The following PRAME variants were observed in gnomAD, a reference collection of about 807,000 sequenced individuals.
PRAME encodes the protein melanoma antigen preferentially expressed in tumors.
A neutral mutation model predicts 32.1 loss-of-function variants in PRAME; 21 were observed. That is an observed-to-expected ratio of 0.65 (90% CI 0.46 to 0.94). PRAME has a LOEUF of 0.94. PRAME is among the 40% of genes least tolerant of loss of function. The pLI is 0.00. For synonymous variants in PRAME, 274 were observed against 251.5 expected, an observed-to-expected ratio of 1.09 and a Z score of -0.85; for missense variants, 651 against 622.3, an observed-to-expected ratio of 1.05 and a Z score of -0.49.
At chr22:22,548,748 T>A in intron 5 of PRAME, 105 bp from the exon 6 acceptor site, 1 of 1,053,026 alleles carries the variant, frequency 9.5e-7, no homozygotes, top group Non-Finnish European at 1.4e-6. Context: ...TGATGATGGT[T>A]AACCGCCAGG....
At chr22:22,555,878 C>T (rs1007971983) in intron 3 of PRAME, 2 of 470,892 alleles carry the variant, frequency 4.2e-6, no homozygotes, top group African/African-American at 2.0e-5. Flanking sequence ...TCAAAGCCTC[C>T]TGGAGCTCAT....
Position 22,550,050 on chromosome 22 carries a change from C to T in PRAME, c.629G>A (p.Cys210Tyr). The T allele has an allele frequency of 6.2e-7, 1 of 1,613,930 alleles. No homozygotes were observed. The highest frequency in any genetic ancestry group is 8.5e-7 in the Non-Finnish European group (1 of 1,179,960). Reference sequence around the variant, plus strand: ...CATTGCAAAAATCTTCAGCTTCTTACAGCACAGGCGTAGTACATTTTTCTT... The same window carrying T: ...CATTGCAAAAATCTTCAGCTTCTTATAGCACAGGCGTAGTACATTTTTCTT... Reference protein sequence around the residue: ...KRKKNVLRLCCKKLKIFAMPM... With the variant: ...KRKKNVLRLCYKKLKIFAMPM... Residue 210 changes from cysteine to tyrosine, a missense_variant, in exon 5 of 6, where the codon TGT (cysteine) becomes TAT (tyrosine). Cys to Tyr is a radical substitution (Grantham distance 194). Coordinates refer to ENST00000405655, the MANE Select transcript of PRAME (RefSeq NM_206956.3).
chr22:22,548,584 T>G lies in PRAME; in HGVS notation c.1013A>C (p.Asp338Ala), dbSNP rs774790656. The change falls in exon 6 of 6, where the codon GAT (aspartate) becomes GCT (alanine). Residue 338 changes from aspartate (D) to alanine (A), a missense_variant. Asp to Ala is a moderately radical substitution (Grantham distance 126). Transcript: ENST00000405655. ...GGGACTCTGGGACAGATGCATCACATCCCCTTCCGAAAGCCGGCAGTTAGT... is the reference window on the plus strand; with the variant it reads ...GGGACTCTGGGACAGATGCATCACAGCCCCTTCCGAAAGCCGGCAGTTAGT... ...SITNCRLSEG[D>A]VMHLSQSPSV... The G allele has an allele frequency of 7.4e-6, 12 of 1,611,940 alleles. No individual in the cohort carries two copies. In the Admixed American group the frequency reaches 2.0e-4, roughly 27 times the overall value.
intron 4 of PRAME, 78 bp downstream of exon 4, chr22:22,550,686 AGGC>A (rs1235129098): frequency 1.4e-6 from 2 of 1,435,052 alleles, no homozygotes; most frequent in African/African-American, 1.4e-5. Context: ...GCCCAGCCTT[AGGC>A]GCTCCATGCT....
In PRAME at chr22:22,550,208, CTT is replaced by C. The variant is rs1199393510; in HGVS notation, c.469_470del (p.Lys157GlufsTer32). ...PEPEAAQPMT[K>X]KRKVDGLSTE... ...TGCTCAAACCATCTACTTTTCGCTT[CTT>C]TGTCATGGGCTGAGCTGCTTCTGGC... On this transcript the variant is annotated frameshift_variant, in exon 5 of 6. Transcript: ENST00000405655. LOFTEE classifies it high-confidence loss of function. The C allele has an allele frequency of 6.2e-7, 1 of 1,613,790 alleles. No homozygotes were observed. Among genetic ancestry groups the C allele is most frequent in the Middle Eastern group, 1.7e-4 (1 of 6,054 alleles).
chr22:22,548,499 G>A lies in PRAME; in HGVS notation c.1098C>T (p.Pro366=), dbSNP rs775928243. 25 of 1,613,604 alleles carry A rather than the reference G, an allele frequency of 1.5e-5. No homozygotes were observed. Among genetic ancestry groups the A allele is most frequent in the South Asian group, 6.6e-5 (6 of 91,074 alleles). ...LSGVMLTDVS[P]EPLQALLERA... ...TCTCCAGCAGAGCTTGGAGGGGCTC[G>A]GGACTTACATCGGTCAGCATGACCC... The change falls in exon 6 of 6, where the codon CCC becomes CCT. Residue 366 remains proline (P), a synonymous_variant. Coordinates refer to ENST00000405655, the MANE Select transcript of PRAME (RefSeq NM_206956.3).
At chr22:22,556,751 C>T in intron 3 of PRAME, 61 bp downstream of exon 3, 1 of 1,601,750 alleles carries the variant, frequency 6.2e-7, no homozygotes, top group Non-Finnish European at 8.5e-7. Context: ...GCTCGAGTGA[C>T]AAGGACAGAG....
chr22:22,557,378 AT>A, intron 2 of PRAME, 166 bp downstream of exon 2: 1 of 159,436 alleles, frequency 6.3e-6, no homozygotes, highest in Non-Finnish European at 1.4e-5. Flanking sequence ...ACTGGGGCCA[AT>A]TTTCCGGGGC....
intron 3 of PRAME, among the ~76,000 whole-genome samples, 188 bp downstream of exon 3, chr22:22,556,623 CT>C (rs1356155243): frequency 6.6e-6 from 1 of 151,932 alleles, no homozygotes; most frequent in Non-Finnish European, 1.5e-5. Context: ...AGGGTTGACT[CT>C]CATACAAAGA....
chr22:22,553,150 CCAGTT>C (rs1020275443), intron 3 of PRAME, among the ~76,000 whole-genome samples: 6 of 152,014 alleles, frequency 3.9e-5, no homozygotes, highest in African/African-American at 1.4e-4. Flanking sequence ...CCCAAATAGT[CCAGTT>C]AAGATAGCTT....
chr22:22,551,183 C>CA, intron 3 of PRAME, 94 bp from the exon 4 acceptor site: 1 of 1,171,566 alleles, frequency 8.5e-7, no homozygotes, highest in Non-Finnish European at 1.2e-6. Context: ...AACTTAGGGC[C>CA]AAAGTCACTG....
chr22:22,548,094 G>A lies in PRAME; in HGVS notation c.1503C>T (p.Ile501=). Residue 501 remains isoleucine (I), a synonymous_variant, in exon 6 of 6, where the codon ATC becomes ATT. Coordinates refer to ENST00000405655, the MANE Select transcript of PRAME (RefSeq NM_206956.3). ...GDRTFYDPEP[I]LCPCFMPN ...AATTAGGCATGAAACAGGGGCACAG[G>A]ATGGGCTCCGGGTCATAGAAGGTTC... is the stretch of plus-strand genomic sequence containing the variant. 6.2e-7 allele frequency: 1 copy of A among 1,612,660 alleles called. No homozygotes were observed.
chr22:22,559,255 G>C lies in PRAME; in HGVS notation c.-398C>G. 1 of 316,186 alleles carries C rather than the reference G, an allele frequency of 3.2e-6. No individual in the cohort carries two copies. Among genetic ancestry groups the C allele is most frequent in the Non-Finnish European group, 6.2e-6 (1 of 160,860 alleles). 19.6% of individuals were successfully genotyped at this position (316,186 alleles called of 1,614,324 possible). On this transcript the variant is annotated 5_prime_UTR_variant, in exon 1 of 6. Transcript: ENST00000405655. ...CGCTGCAGGCCCGGCTTCTGGCTGC[G>C]GGGGAGCTGTACCCTGAAGCCTCGC... is the stretch of plus-strand genomic sequence containing the variant.
In PRAME at chr22:22,547,911, C is replaced by CAT. The variant is rs2062340069; in HGVS notation, c.*154_*155dup. On this transcript the variant is annotated 3_prime_UTR_variant, in exon 6 of 6. Transcript: ENST00000405655. ...ACTTCCCCTTTTTTTCCTCACTGAA[C>CAT]ATTTGTCTGAATGTTTTTTCCTCAC... 1.2e-6 allele frequency: 1 copy of CAT among 856,330 alleles called. No individual in the cohort carries two copies. Among genetic ancestry groups the CAT allele is most frequent in the Non-Finnish European group, 1.8e-6 (1 of 549,752 alleles). 53.0% of individuals were successfully genotyped at this position (856,330 alleles called of 1,614,324 possible).
rs1192369959 is a variant in PRAME, at chr22:22,556,744, C to T, written c.21+68G>A. On this transcript the variant is annotated intron_variant, in intron 3 of 5. Transcript: ENST00000405655. ...CTCAGGATGCAGCTCCCATCTGGCT[C>T]GAGTGACAAGGACAGAGGGGAACAG... 5 of 1,589,274 alleles carry T rather than the reference C, an allele frequency of 3.1e-6. No homozygotes were observed. In the African/African-American group the frequency reaches 4.0e-5, roughly 13 times the overall value.
In PRAME at chr22:22,548,157, G is replaced by T; in HGVS notation, c.1440C>A (p.Val480=). ...GAGGACAGGGGTTGGCACTAAGCCA[G>T]ACCATGCTGGGCCGCCCCAACTCAC... ...LLCELGRPSM[V]WLSANPCPHC... Residue 480 remains valine (V), a synonymous_variant, in exon 6 of 6, where the codon GTC becomes GTA. Transcript: ENST00000405655. 1 of 1,613,874 alleles carries T rather than the reference G, an allele frequency of 6.2e-7. No homozygotes were observed. The highest frequency in any genetic ancestry group is 1.1e-5 in the South Asian group (1 of 91,068).
At chr22:22,554,771 G>A (rs771949805) in intron 3 of PRAME, among the ~76,000 whole-genome samples, 6 of 151,922 alleles carry the variant, frequency 3.9e-5, no homozygotes, top group Non-Finnish European at 5.9e-5. Flanking sequence ...CAATCTAAGT[G>A]TTAGAAAGGG....
In PRAME at chr22:22,548,546, G is replaced by C; in HGVS notation, c.1051C>G (p.Leu351Val). ...ACCCCACTTAGACTCAGGACACTTAGCTGACTGACGCTGGGACTCTGGGAC... is the reference window on the plus strand; with the variant it reads ...ACCCCACTTAGACTCAGGACACTTACCTGACTGACGCTGGGACTCTGGGAC... ...HLSQSPSVSQ[L>V]SVLSLSGVML... The change falls in exon 6 of 6, where the codon CTA becomes GTA. Residue 351 changes from leucine (L) to valine (V), a missense_variant. Transcript: ENST00000405655. 6.2e-7 allele frequency: 1 copy of C among 1,613,556 alleles called. No individual in the cohort carries two copies. Among genetic ancestry groups the C allele is most frequent in the South Asian group, 1.1e-5 (1 of 91,068 alleles).
chr22:22,558,804 G>A (rs1347740056), intron 1 of PRAME, among the ~76,000 whole-genome samples, 167 bp downstream of exon 1: 2 of 151,594 alleles, frequency 1.3e-5, no homozygotes, highest in Non-Finnish European at 2.9e-5. Context: ...GTGGGATGCG[G>A]GGTGCAGGGG....
Sources: allele counts gnomAD v4.1 joint callset (sites outside exome capture counted in the v4.1 genomes callset), GRCh38; gene constraint gnomAD v4.1.1; transcripts MANE v1.5; gene names NCBI Gene and HGNC (gene_info 2026-07-23, HGNC 2026-07-21).